Variants in FER observed in about 807,000 individuals in gnomAD.
The protein encoded by FER is tyrosine-protein kinase Fer.
FER carries 63 observed loss-of-function variants against 111.0 expected under a neutral mutation model. That is an observed-to-expected ratio of 0.57 (90% CI 0.46 to 0.70). FER has a LOEUF of 0.70. FER is among the 30% of genes least tolerant of loss of function. The pLI is 0.00. For synonymous variants in FER, 327 were observed against 313.9 expected (o/e 1.04, Z -0.44); for missense variants, 914 against 954.0 (o/e 0.96, Z 0.55).
At chr5:108,809,464 C>G (rs1017664210) in intron 3 of FER, among the ~76,000 whole-genome samples, 17 of 152,130 alleles carry the variant, frequency 1.1e-4, no homozygotes, top group Non-Finnish European at 2.4e-4. Flanking sequence ...TCCTTCATTG[C>G]CTGGATTGCT....
At chr5:109,119,707 T>C (rs1750721007) in intron 17 of FER, among the ~76,000 whole-genome samples, 1 of 152,076 alleles carries the variant, frequency 6.6e-6, no homozygotes, top group Admixed American at 6.6e-5. Flanking sequence ...ATTGGGTGCA[T>C]AGTGTTTGTA....
chr5:108,845,026 A>ATT, intron 5 of FER, among the ~76,000 whole-genome samples: 1 of 53,532 alleles, frequency 1.9e-5, no homozygotes, highest in East Asian at 6.4e-4. Flanking sequence ...ATATATATAT[A>ATT]TATATATATA....
At chr5:109,078,990 G>A (rs560118442) in intron 16 of FER, among the ~76,000 whole-genome samples, 2 of 152,224 alleles carry the variant, frequency 1.3e-5, no homozygotes, top group Admixed American at 1.3e-4. Context: ...TTGTTCTCGT[G>A]TATCTGCAGA....
At chr5:109,078,019 T>C (rs986373831) in intron 16 of FER, among the ~76,000 whole-genome samples, 1 of 152,180 alleles carries the variant, frequency 6.6e-6, no homozygotes, top group Non-Finnish European at 1.5e-5. Flanking sequence ...TAAACTAATA[T>C]CAAGTAGTAC....
At chr5:108,858,215 A>G (rs1763183527) in intron 5 of FER, among the ~76,000 whole-genome samples, 1 of 152,114 alleles carries the variant, frequency 6.6e-6, no homozygotes, top group Non-Finnish European at 1.5e-5. Context: ...CTTCCTATTT[A>G]TATATTTGCA....
At chr5:109,060,459 G>A (rs377619864) in intron 16 of FER, among the ~76,000 whole-genome samples, 1 of 152,070 alleles carries the variant, frequency 6.6e-6, no homozygotes, top group African/African-American at 2.4e-5. Flanking sequence ...GCTGAGGCGG[G>A]CGGATCATGA....
chr5:109,037,345 T>C (rs1770542402), intron 13 of FER, 77 bp from the exon 14 acceptor site: 2 of 1,259,040 alleles, frequency 1.6e-6, no homozygotes, highest in East Asian at 2.3e-5. Flanking sequence ...TTAGGTCGAC[T>C]TTCCACTGGC....
At chr5:108,880,779 T>C (rs1249414843) in intron 8 of FER, among the ~76,000 whole-genome samples, 1 of 152,090 alleles carries the variant, frequency 6.6e-6, no homozygotes, top group Non-Finnish European at 1.5e-5. Flanking sequence ...CCCTGATGAC[T>C]CTCGATCATT....
At chr5:108,891,874 C>A (rs1396482744) in intron 9 of FER, among the ~76,000 whole-genome samples, 1 of 151,950 alleles carries the variant, frequency 6.6e-6, no homozygotes, top group Non-Finnish European at 1.5e-5. Flanking sequence ...TCCATGTGTT[C>A]TCATTGTTCA....
intron 10 of FER, among the ~76,000 whole-genome samples, chr5:108,913,162 C>A (rs988622238): frequency 1.3e-5 from 2 of 152,192 alleles, no homozygotes; most frequent in Admixed American, 6.5e-5. Flanking sequence ...ATTATACCTA[C>A]TGCATCTCTT....
chr5:109,149,376 C>CA (rs1754573018), intron 17 of FER, among the ~76,000 whole-genome samples: 1 of 152,166 alleles, frequency 6.6e-6, no homozygotes, highest in Non-Finnish European at 1.5e-5. Context: ...TGAGCGCCTA[C>CA]AGTCTGATCC....
chr5:108,947,438 T>C (rs1757136105), intron 11 of FER, among the ~76,000 whole-genome samples: 1 of 152,062 alleles, frequency 6.6e-6, no homozygotes, highest in African/African-American at 2.4e-5. Context: ...ATTTCCATTT[T>C]CCTAATGACT....
At chr5:108,890,174 T>A (rs1367923966) in intron 9 of FER, among the ~76,000 whole-genome samples, 1 of 151,892 alleles carries the variant, frequency 6.6e-6, no homozygotes, top group Non-Finnish European at 1.5e-5. Flanking sequence ...ATAAATGGAG[T>A]CATGTTGTAT....
At chr5:108,832,688 A>AT in intron 3 of FER, 82 bp from the exon 4 acceptor site, 1 of 977,494 alleles carries the variant, frequency 1.0e-6, no homozygotes, top group Non-Finnish European at 1.4e-6. Flanking sequence ...AAAACTAAAT[A>AT]TTTAAAGTTT....
chr5:108,896,992 C>T (rs1318524217), intron 9 of FER, among the ~76,000 whole-genome samples: 3 of 152,126 alleles, frequency 2.0e-5, no homozygotes, highest in East Asian at 3.8e-4. Context: ...GTTTGAAATT[C>T]CCATTGAAGG....
intron 5 of FER, among the ~76,000 whole-genome samples, chr5:108,855,423 G>A (rs1429015062): frequency 6.6e-6 from 1 of 151,832 alleles, no homozygotes. Context: ...ACAAGGTCAG[G>A]AGATCGAGAC....
At chr5:109,099,606 CAT>C (rs1486117497) in intron 16 of FER, among the ~76,000 whole-genome samples, 1 of 151,186 alleles carries the variant, frequency 6.6e-6, no homozygotes, top group Non-Finnish European at 1.5e-5. Context: ...TTCATATTGA[CAT>C]ATGTTGATAT....
At chr5:108,910,464 TA>T (rs1206636816) in intron 10 of FER, among the ~76,000 whole-genome samples, 1 of 151,748 alleles carries the variant, frequency 6.6e-6, no homozygotes, top group Non-Finnish European at 1.5e-5. Context: ...TTACTTTTTT[TA>T]AAAAAAAGGT....
intron 2 of FER, among the ~76,000 whole-genome samples, chr5:108,772,951 A>G (rs1195755458): frequency 6.6e-6 from 1 of 152,260 alleles, no homozygotes; most frequent in African/African-American, 2.4e-5. Context: ...GCAAGTACAT[A>G]GAGACACTCA....
Sources: allele counts gnomAD v4.1 joint callset (sites outside exome capture counted in the v4.1 genomes callset), GRCh38; gene constraint gnomAD v4.1.1; transcripts MANE v1.5; gene names NCBI Gene and HGNC (gene_info 2026-07-23, HGNC 2026-07-21).